Variants in PRICKLE2 observed in about 807,000 individuals in gnomAD.
PRICKLE2 encodes the protein prickle planar cell polarity protein 2, also known as prickle-like protein 2.
A neutral mutation model predicts 81.4 loss-of-function variants in PRICKLE2; 21 were observed. That is an observed-to-expected ratio of 0.26 (90% CI 0.18 to 0.37). PRICKLE2 has a LOEUF of 0.37. PRICKLE2 is among the 10% of genes least tolerant of loss of function. The pLI is 1.00. For missense variants in PRICKLE2, 940 were observed against 1,109.0 expected, an observed-to-expected ratio of 0.85 and a Z score of 2.16; for synonymous variants, 456 against 421.5, an observed-to-expected ratio of 1.08 and a Z score of -1.00.
chr3:64,146,744 A>G (rs2077460872), intron 7 of PRICKLE2, 86 bp downstream of exon 7: 1 of 1,267,902 alleles, frequency 7.9e-7, no homozygotes, highest in Non-Finnish European at 1.1e-6. Context: ...CTCCATTTCA[A>G]AAAAAAAAAA....
At chr3:64,133,678 T>C (rs2106990471) in intron 7 of PRICKLE2, among the ~76,000 whole-genome samples, 1 of 152,202 alleles carries the variant, frequency 6.6e-6, no homozygotes, top group Admixed American at 6.5e-5. Context: ...TCTATTAGCA[T>C]TAATAGGGGT....
At chr3:64,229,148 A>G (rs1489101866), upstream of PRICKLE2, among the ~76,000 whole-genome samples, 1 of 152,202 alleles carries the variant, frequency 6.6e-6, no homozygotes, top group Admixed American at 6.5e-5. Flanking sequence ...ACACAAATGC[A>G]TAATTAAGAG....
intron 2 of PRICKLE2, among the ~76,000 whole-genome samples, chr3:64,255,754 C>T (rs926942668): frequency 2.0e-5 from 3 of 152,190 alleles, no homozygotes; most frequent in Non-Finnish European, 2.9e-5. Flanking sequence ...AGTAAACAAC[C>T]GCATTTCTCA....
At position 64,147,907 on chromosome 3, in the gene PRICKLE2, A is replaced by G. The variant is rs751185083; in HGVS notation, c.788-205T>C. Among the ~76,000 whole-genome samples, 6 of 152,136 alleles carry G rather than the reference A, an allele frequency of 3.9e-5. No homozygotes were observed. Among genetic ancestry groups the G allele is most frequent in the Non-Finnish European group, 8.8e-5 (6 of 68,022 alleles). On this transcript the variant is annotated intron_variant, in intron 6 of 7. Transcript: ENST00000638394. The surrounding 1 kb of genome is among the most constrained non-coding windows in gnomAD (Gnocchi z 5.0). ...GTTGTACCAGTATGCGCCTTAACTC[A>G]TTTGCTCCAAGCACAAAGACTCTAG...
chr3:64,213,882 T>A (rs1338010859), intron 1 of PRICKLE2, among the ~76,000 whole-genome samples: 1 of 152,146 alleles, frequency 6.6e-6, no homozygotes, highest in Non-Finnish European at 1.5e-5. Context: ...ACCAAACACC[T>A]GAATACCTTT....
chr3:64,242,231 C>T (rs2107171980), intron 2 of PRICKLE2, among the ~76,000 whole-genome samples: 1 of 152,256 alleles, frequency 6.6e-6, no homozygotes, highest in Admixed American at 6.5e-5. Context: ...TGATCTTTTT[C>T]TGAAAGAAGG....
chr3:64,114,910 G>A (rs770357666), intron 7 of PRICKLE2, among the ~76,000 whole-genome samples: 1 of 151,962 alleles, frequency 6.6e-6, no homozygotes, highest in Admixed American at 6.6e-5. Flanking sequence ...GATTTTCTGA[G>A]GTCAAAATAA....
intron 5 of PRICKLE2, among the ~76,000 whole-genome samples, chr3:64,156,342 A>G (rs1023668233): frequency 6.6e-6 from 1 of 152,234 alleles, no homozygotes. Flanking sequence ...TGGCTGAAAA[A>G]GGGGAGTGTT....
intron 1 of PRICKLE2, among the ~76,000 whole-genome samples, chr3:64,216,513 T>C (rs904706144): frequency 6.6e-6 from 1 of 152,250 alleles, no homozygotes; most frequent in Non-Finnish European, 1.5e-5. Context: ...TCACTCTCTG[T>C]AACATTCTTT....
intron 2 of PRICKLE2, among the ~76,000 whole-genome samples, chr3:64,180,896 T>A (rs941234845): frequency 2.0e-5 from 3 of 152,162 alleles, no homozygotes; most frequent in Non-Finnish European, 4.4e-5. Context: ...GAAATTATGG[T>A]GAAAATCAAT....
At chr3:64,205,446 C>A (rs961891462) in intron 1 of PRICKLE2, among the ~76,000 whole-genome samples, 1 of 152,160 alleles carries the variant, frequency 6.6e-6, no homozygotes, top group Non-Finnish European at 1.5e-5. Flanking sequence ...ACAATCTATA[C>A]CAATTAACTT....
At chr3:64,192,009 T>A (rs776867555) in intron 2 of PRICKLE2, among the ~76,000 whole-genome samples, 1 of 152,242 alleles carries the variant, frequency 6.6e-6, no homozygotes, top group Non-Finnish European at 1.5e-5. Context: ...GTTGGCAAGA[T>A]GTCACCCTCT....
chr3:64,138,898 C>T lies in PRICKLE2; in HGVS notation c.1660+7932G>A, dbSNP rs565936512. Among the ~76,000 whole-genome samples, 11 of 152,206 alleles carry T rather than the reference C, an allele frequency of 7.2e-5. No individual in the cohort carries two copies. The South Asian group carries it at 1.0e-3, about 14-fold the overall frequency. On this transcript the variant is annotated intron_variant, in intron 7 of 7. Transcript: ENST00000638394. ...GTGCCAGCTGGTTAAGAGGTTCTACCCAATATTTAAATAAAGAAATTGGGT... is the reference window on the plus strand; with the variant it reads ...GTGCCAGCTGGTTAAGAGGTTCTACTCAATATTTAAATAAAGAAATTGGGT...
chr3:64,100,119 A>AG, intron 7 of PRICKLE2, 194 bp from the exon 8 acceptor site: 1 of 603,100 alleles, frequency 1.7e-6, no homozygotes. Context: ...ATCTACCTAG[A>AG]GGGGGCACTT....
intron 1 of PRICKLE2, among the ~76,000 whole-genome samples, chr3:64,203,945 T>G (rs1185514204): frequency 6.6e-6 from 1 of 151,694 alleles, no homozygotes; most frequent in Non-Finnish European, 1.5e-5. Context: ...ATCACTACAC[T>G]CCAGCCTGGG....
intron 2 of PRICKLE2, among the ~76,000 whole-genome samples, chr3:64,238,444 G>A (rs1425380969): frequency 4.1e-5 from 6 of 146,380 alleles, no homozygotes; most frequent in Non-Finnish European, 5.9e-5. Flanking sequence ...CCGAGATCAC[G>A]CCACTGCATT....
At chr3:64,249,519 C>T (rs1300793243) in intron 2 of PRICKLE2, among the ~76,000 whole-genome samples, 1 of 152,150 alleles carries the variant, frequency 6.6e-6, no homozygotes, top group Non-Finnish European at 1.5e-5. Flanking sequence ...CAAATGGAGG[C>T]TCAGTACAAA....
chr3:64,144,085 T>G (rs1455300409), intron 7 of PRICKLE2, among the ~76,000 whole-genome samples: 2 of 152,104 alleles, frequency 1.3e-5, no homozygotes, highest in Non-Finnish European at 2.9e-5. Flanking sequence ...AAGCTACAAC[T>G]CAGAGCCTCA....
chr3:64,233,096 C>T (rs1372746076), intron 2 of PRICKLE2, among the ~76,000 whole-genome samples: 1 of 152,184 alleles, frequency 6.6e-6, no homozygotes, highest in East Asian at 1.9e-4. Context: ...TGGTCCTTGA[C>T]ACTGAACATT....
Sources: gnomAD v4.1 joint callset for allele counts (sites outside exome capture counted in the v4.1 genomes callset) on GRCh38, gnomAD v4.1.1 for gene constraint, Gnocchi (gnomAD v3.1) non-coding constraint, MANE v1.5 for transcripts, NCBI Gene and HGNC (gene_info 2026-07-23, HGNC 2026-07-21) for gene names.